MANBA: variants seen among roughly 807,000 people sequenced by gnomAD.
MANBA encodes the protein beta-mannosidase.
A neutral mutation model predicts 111.1 loss-of-function variants in MANBA; 83 were observed. That is an observed-to-expected ratio of 0.75 (90% CI 0.63 to 0.90). The LOEUF is 0.90. Among genes scored for constraint, MANBA ranks in the 40% least tolerant of loss-of-function variants. The pLI, the probability that MANBA is intolerant of heterozygous loss-of-function variation, is 0.00. For missense variants in MANBA, 1,036 were observed against 1,069.0 expected (o/e 0.97, Z 0.43); for synonymous variants, 370 against 378.7 (o/e 0.98, Z 0.27).
chr4:102,728,917 A>G (rs1208381547), intron 1 of MANBA: 5 of 753,368 alleles, frequency 6.6e-6, no homozygotes, highest in Non-Finnish European at 1.2e-5. Flanking sequence ...GATCACCTGC[A>G]TAACCACTGG....
At chr4:102,736,684 C>A (rs1723227663) in intron 1 of MANBA, among the ~76,000 whole-genome samples, 1 of 152,160 alleles carries the variant, frequency 6.6e-6, no homozygotes, top group South Asian at 2.1e-4. Context: ...AATTATCTGG[C>A]AAACTGAGAT....
intron 16 of MANBA, 98 bp from the exon 17 acceptor site, chr4:102,632,379 G>A: frequency 1.0e-6 from 1 of 1,002,484 alleles, no homozygotes; most frequent in Non-Finnish European, 1.5e-6. Context: ...GCTTAACAAG[G>A]AGTCCACTTC....
At chr4:102,662,744 G>T in intron 11 of MANBA, 1 of 155,102 alleles carries the variant, frequency 6.4e-6, no homozygotes, top group South Asian at 1.8e-4. Context: ...AAATGCATCT[G>T]GTTCAAAAAG....
chr4:102,692,300 C>T (rs1450083324), intron 5 of MANBA, among the ~76,000 whole-genome samples: 4 of 151,874 alleles, frequency 2.6e-5, no homozygotes, highest in African/African-American at 4.8e-5. Flanking sequence ...AAAACAAGAC[C>T]GAAGAGGAGA....
intron 1 of MANBA, chr4:102,734,400 C>A (rs117948144): frequency 1.9e-6 from 3 of 1,610,384 alleles, no homozygotes; most frequent in Non-Finnish European, 2.5e-6. Flanking sequence ...GGTGCCTGAG[C>A]CCACTTTCCT....
At chr4:102,729,652 C>G in intron 1 of MANBA, 1 of 1,425,936 alleles carries the variant, frequency 7.0e-7, no homozygotes, top group Non-Finnish European at 9.9e-7. Flanking sequence ...TTCTTGAAGT[C>G]CTCCACCAGC....
chr4:102,751,365 T>G (rs1723784061), intron 1 of MANBA: 1 of 370,504 alleles, frequency 2.7e-6, no homozygotes, highest in South Asian at 2.1e-5. Flanking sequence ...CCATTCTCTC[T>G]CTACTAACCC....
rs374137275 is a variant in MANBA at position 102,657,928 on chromosome 4, G to T, written c.1486-28C>A. ...GAGTTCAGAAATAAAATGAATTCAA[G>T]GATAATATATTCATCCTGTAAAGTA... On this transcript the variant is annotated intron_variant, in intron 11 of 16. Transcript: ENST00000647097. 442 of 1,421,404 alleles carry T rather than the reference G, an allele frequency of 3.1e-4. 2 individuals are homozygous for T. The highest frequency in any genetic ancestry group is 7.1e-5 in the Non-Finnish European group (71 of 1,004,870). 88.0% of individuals were successfully genotyped at this position (1,421,404 alleles called of 1,614,324 possible). A position where few individuals can be genotyped will look rare whatever the true frequency, so the allele number is the denominator to read the frequency against.
intron 5 of MANBA, 66 bp downstream of exon 5, chr4:102,714,372 A>G: frequency 6.8e-7 from 1 of 1,474,392 alleles, no homozygotes; most frequent in East Asian, 2.3e-5. Flanking sequence ...CTGTATTTCA[A>G]TTATAAACCC....
chr4:102,645,201 G>A lies in MANBA; in HGVS notation c.1869+5336C>T, dbSNP rs1016045947. On this transcript the variant is annotated intron_variant, in intron 13 of 16. Transcript: ENST00000647097. The stretch of plus-strand genomic sequence containing the variant: ...TATCGAATCAATCTTGCATTCCTGG[G>A]ATATTTCCCACATAGTTATGCTATA... Among the ~76,000 whole-genome samples, 9 of 151,854 alleles carry A rather than the reference G, an allele frequency of 5.9e-5. No homozygotes were observed. In the South Asian group the frequency reaches 1.9e-3, roughly 32 times the overall value.
At chr4:102,650,457 C>T (rs1283686315) in intron 13 of MANBA, 80 bp downstream of exon 13, 34 of 1,387,028 alleles carry the variant, frequency 2.5e-5, no homozygotes, top group Non-Finnish European at 3.3e-5. Context: ...TATTTTTCAC[C>T]ATATATGGCC....
intron 11 of MANBA, among the ~76,000 whole-genome samples, chr4:102,662,113 A>C (rs1033198586): frequency 7.9e-5 from 12 of 152,212 alleles, no homozygotes; most frequent in African/African-American, 2.9e-4. Context: ...GGCACAAAGA[A>C]GCTAATTTTT....
chr4:102,760,915 A>T lies in MANBA; in HGVS notation c.-21T>A. 1 of 1,548,148 alleles carries T rather than the reference A, an allele frequency of 6.5e-7. No homozygotes were observed. The highest frequency in any genetic ancestry group is 1.2e-5 in the South Asian group (1 of 84,732). On this transcript the variant is annotated 5_prime_UTR_variant, in exon 1 of 17. Coordinates refer to ENST00000647097, the MANE Select transcript of MANBA (RefSeq NM_005908.4). ...CGCATCTTGAGATCCCGCGCCACCG[A>T]GATGTGGAGAGATCGAAAGGCAGCG...
chr4:102,660,097 G>C (rs527563154), intron 11 of MANBA, among the ~76,000 whole-genome samples: 11 of 152,194 alleles, frequency 7.2e-5, no homozygotes, highest in African/African-American at 2.6e-4. Flanking sequence ...GTGTTGTCTT[G>C]CCAACATCGC....
chr4:102,730,046 G>A lies in MANBA; in HGVS notation c.178-3363C>T, dbSNP rs1221506526. The A allele has an allele frequency of 7.5e-6, 6 of 797,098 alleles. No homozygotes were observed. In the Admixed American group the frequency reaches 1.4e-4, roughly 18 times the overall value. The allele number at this position is 797,098 out of a possible 1,614,324, so 49.4% of individuals were successfully genotyped here. On this transcript the variant is annotated intron_variant, in intron 1 of 16. Coordinates refer to ENST00000647097, the MANE Select transcript of MANBA (RefSeq NM_005908.4). Reference sequence around the variant, plus strand: ...CCAGACAACCTTGGAAGCTGCTGCTGCCCACTAGGGAGAAGCCTGAGGAGC... The same window carrying A: ...CCAGACAACCTTGGAAGCTGCTGCTACCCACTAGGGAGAAGCCTGAGGAGC...
intron 12 of MANBA, among the ~76,000 whole-genome samples, chr4:102,657,236 G>GGAGCA (rs1730603715): frequency 1.1e-5 from 1 of 94,576 alleles, no homozygotes; most frequent in Non-Finnish European, 2.2e-5. Flanking sequence ...GGGGGGGTGG[G>GGAGCA]CGGTGGTAAT....
At chr4:102,757,721 C>G (rs1040278148) in intron 1 of MANBA, among the ~76,000 whole-genome samples, 1 of 152,240 alleles carries the variant, frequency 6.6e-6, no homozygotes, top group Admixed American at 6.5e-5. Context: ...CTTCCACTCT[C>G]CTGCACTGTA....
At chr4:102,671,532 A>G in intron 8 of MANBA, 134 bp from the exon 9 acceptor site, 1 of 670,262 alleles carries the variant, frequency 1.5e-6, no homozygotes. Context: ...AAATTAAAGA[A>G]AGTAAGATAA....
chr4:102,751,607 C>A, intron 1 of MANBA: 1 of 540,278 alleles, frequency 1.9e-6, no homozygotes, highest in South Asian at 1.4e-5. Context: ...TGGTCAAACA[C>A]ATGGAACTGG....
Sources: gnomAD v4.1 joint callset for allele counts (sites outside exome capture counted in the v4.1 genomes callset) on GRCh38, gnomAD v4.1.1 for gene constraint, MANE v1.5 for transcripts, NCBI Gene and HGNC (gene_info 2026-07-23, HGNC 2026-07-21) for gene names.